ARHGAP42: variants seen among roughly 807,000 people sequenced by gnomAD.
ARHGAP42 encodes the protein Rho GTPase activating protein 42.
ARHGAP42 carries 63 observed loss-of-function variants against 125.0 expected under a neutral mutation model. The ratio of observed to expected loss-of-function variants is 0.50; its 90% CI spans 0.41 to 0.62. The LOEUF (loss-of-function observed/expected upper bound fraction) is 0.62. ARHGAP42 is among the 20% of genes least tolerant of loss of function. The pLI, the probability that ARHGAP42 is intolerant of heterozygous loss-of-function variation, is 0.00. For missense variants in ARHGAP42, 766 were observed against 1,024.2 expected (o/e 0.75, Z 3.44); for synonymous variants, 339 against 351.0 (o/e 0.97, Z 0.38).
intron 1 of ARHGAP42, among the ~76,000 whole-genome samples, chr11:100,725,588 T>C (rs1861840466): frequency 1.3e-5 from 2 of 151,506 alleles, no homozygotes; most frequent in Non-Finnish European, 2.9e-5. Flanking sequence ...AGGCCAAGAG[T>C]TTGAGCGGGC....
intron 1 of ARHGAP42, among the ~76,000 whole-genome samples, chr11:100,692,491 A>G (rs1861208110): frequency 2.0e-5 from 3 of 152,112 alleles, no homozygotes; most frequent in East Asian, 1.9e-4. Context: ...TTGATGATTC[A>G]TTTTCTCACA....
At chr11:100,854,014 A>G (rs1865267456) in intron 3 of ARHGAP42, among the ~76,000 whole-genome samples, 1 of 152,150 alleles carries the variant, frequency 6.6e-6, no homozygotes, top group East Asian at 1.9e-4. Flanking sequence ...CATTAGACAT[A>G]AAGTAAAAAA....
chr11:100,890,719 A>C (rs900278017), intron 4 of ARHGAP42, among the ~76,000 whole-genome samples: 1 of 152,230 alleles, frequency 6.6e-6, no homozygotes, highest in African/African-American at 2.4e-5. Flanking sequence ...TGCTGCTTGA[A>C]GTAACCTGTA....
chr11:100,981,645 A>T (rs972123476), intron 22 of ARHGAP42, among the ~76,000 whole-genome samples: 4 of 152,190 alleles, frequency 2.6e-5, no homozygotes, highest in Non-Finnish European at 4.4e-5. Context: ...CTAATCTATG[A>T]TGCACCAGAA....
At chr11:100,985,079 T>A (rs1365175757) in intron 22 of ARHGAP42, among the ~76,000 whole-genome samples, 2 of 152,184 alleles carry the variant, frequency 1.3e-5, no homozygotes, top group Non-Finnish European at 2.9e-5. Context: ...TTTAGCGATA[T>A]AATTATTCTG....
At chr11:100,826,134 A>G (rs1864511130) in intron 3 of ARHGAP42, among the ~76,000 whole-genome samples, 1 of 151,478 alleles carries the variant, frequency 6.6e-6, no homozygotes, top group Admixed American at 6.6e-5. Context: ...TGAAAGTGTT[A>G]TATTGAAGGA....
intron 3 of ARHGAP42, among the ~76,000 whole-genome samples, chr11:100,847,978 G>A (rs575948298): frequency 6.6e-6 from 1 of 152,196 alleles, no homozygotes; most frequent in South Asian, 2.1e-4. Context: ...ATCTTGAAAT[G>A]TAAGATTAAG....
intron 3 of ARHGAP42, among the ~76,000 whole-genome samples, chr11:100,838,739 T>G (rs1864874567): frequency 2.0e-5 from 3 of 151,644 alleles, no homozygotes; most frequent in South Asian, 4.2e-4. Context: ...AAAAAAATCA[T>G]AGTGTTTAAA....
rs115272845 is a variant in ARHGAP42, at chr11:100,691,738, C to G, written c.154+3906C>G. On this transcript the variant is annotated intron_variant, in intron 1 of 23. Transcript: ENST00000298815. ...TCACCTTGAGGTTGTCCAGGCTGGT[C>G]TCATCAAACCCCTGGGTTCAAGCGA... Among the ~76,000 whole-genome samples, 1,477 of 152,140 alleles carry G rather than the reference C, an allele frequency of 9.7e-3. 27 individuals are homozygous for G. The highest frequency in any genetic ancestry group is 0.033 in the African/African-American group (1,390 of 41,496).
chr11:100,892,105 C>CT (rs1866234292), intron 4 of ARHGAP42, among the ~76,000 whole-genome samples: 1 of 152,144 alleles, frequency 6.6e-6, no homozygotes, highest in Admixed American at 6.5e-5. Context: ...TACGGAAAGC[C>CT]TTGCTTGCCT....
intron 1 of ARHGAP42, among the ~76,000 whole-genome samples, chr11:100,751,277 G>GT (rs756243174): frequency 7.6e-4 from 92 of 121,654 alleles, no homozygotes; most frequent in African/African-American, 1.7e-3. Flanking sequence ...GTGTGTGTGT[G>GT]TGTTTTTTTT....
chr11:100,980,349 G>A (rs900340335), intron 22 of ARHGAP42, among the ~76,000 whole-genome samples: 16 of 151,926 alleles, frequency 1.1e-4, no homozygotes, highest in Admixed American at 5.9e-4. Context: ...GCCATGCTAC[G>A]TAGTTGAATT....
chr11:100,774,912 G>C (rs1199743323), intron 2 of ARHGAP42, among the ~76,000 whole-genome samples: 1 of 152,148 alleles, frequency 6.6e-6, no homozygotes, highest in East Asian at 1.9e-4. Context: ...ACACACTGCT[G>C]GCTTGGAAGG....
intron 4 of ARHGAP42, among the ~76,000 whole-genome samples, chr11:100,889,155 T>C (rs79873051): frequency 0.053 from 8,018 of 152,256 alleles, 387 homozygotes; most frequent in East Asian, 0.25. Context: ...AAAGTGATTG[T>C]GCTGGACAAG....
intron 6 of ARHGAP42, among the ~76,000 whole-genome samples, chr11:100,932,580 A>G (rs1456676713): frequency 6.6e-6 from 1 of 152,212 alleles, no homozygotes; most frequent in African/African-American, 2.4e-5. Flanking sequence ...TCTGAAATGA[A>G]AAACCTGTGT....
At chr11:100,744,719 T>C (rs2120351540) in intron 1 of ARHGAP42, among the ~76,000 whole-genome samples, 1 of 152,294 alleles carries the variant, frequency 6.6e-6, no homozygotes, top group East Asian at 1.9e-4. Flanking sequence ...CTTTGTATGA[T>C]GGCTTTCTCA....
chr11:100,762,110 T>TA (rs1862715093), intron 1 of ARHGAP42, among the ~76,000 whole-genome samples: 3 of 152,202 alleles, frequency 2.0e-5, no homozygotes, highest in Admixed American at 1.3e-4. Context: ...ACATAAGACA[T>TA]CGAAAACAGA....
At chr11:100,732,526 A>G (rs1331715362) in intron 1 of ARHGAP42, among the ~76,000 whole-genome samples, 1 of 152,178 alleles carries the variant, frequency 6.6e-6, no homozygotes, top group Non-Finnish European at 1.5e-5. Flanking sequence ...ACAGCCGTTC[A>G]TGTCTGGCTT....
At chr11:100,985,506 G>T (rs1302567486) in intron 22 of ARHGAP42, among the ~76,000 whole-genome samples, 1 of 152,168 alleles carries the variant, frequency 6.6e-6, no homozygotes, top group African/African-American at 2.4e-5. Context: ...ATTCTTAGAA[G>T]TCTTCAGAAC....
Sources: allele counts gnomAD v4.1 joint callset (sites outside exome capture counted in the v4.1 genomes callset), GRCh38; gene constraint gnomAD v4.1.1; transcripts MANE v1.5; gene names NCBI Gene and HGNC (gene_info 2026-07-23, HGNC 2026-07-21).